The following RIMS2 variants were observed in gnomAD, a reference collection of about 807,000 sequenced individuals.
The protein encoded by RIMS2 is regulating synaptic membrane exocytosis 2.
In RIMS2, 59 loss-of-function variants were observed where a neutral mutation model predicts 174.4. That is an observed-to-expected ratio of 0.34 (90% CI 0.27 to 0.42). The LOEUF is 0.42. Ranked by LOEUF, RIMS2 falls within the 10% of genes least tolerant of loss-of-function variation. RIMS2 has a pLI of 1.00. For synonymous variants in RIMS2, 606 were observed against 572.5 expected (o/e 1.06, Z -0.84); for missense variants, 1,620 against 1,666.3 (o/e 0.97, Z 0.48).
intron 19 of RIMS2, among the ~76,000 whole-genome samples, chr8:104,033,957 T>C (rs1222040256): frequency 1.3e-5 from 2 of 152,188 alleles, no homozygotes; most frequent in Non-Finnish European, 2.9e-5. Flanking sequence ...AGTGCATTTA[T>C]GATATTAATA....
At chr8:104,166,666 C>T (rs912358656) in intron 19 of RIMS2, among the ~76,000 whole-genome samples, 2 of 151,684 alleles carry the variant, frequency 1.3e-5, no homozygotes, top group African/African-American at 4.8e-5. Flanking sequence ...TTCAAGACCT[C>T]AAGCATAGAG....
chr8:104,091,070 G>A (rs905870022), intron 19 of RIMS2, among the ~76,000 whole-genome samples: 1 of 151,616 alleles, frequency 6.6e-6, no homozygotes, highest in Non-Finnish European at 1.5e-5. Flanking sequence ...AGCAAGCCTT[G>A]GAGATAGGCA....
At chr8:103,904,213 G>GT (rs974549670) in intron 4 of RIMS2, among the ~76,000 whole-genome samples, 2 of 151,858 alleles carry the variant, frequency 1.3e-5, no homozygotes, top group African/African-American at 4.8e-5. Flanking sequence ...GACATTTTGA[G>GT]TTTTTTTCCA....
chr8:103,858,511 G>A (rs1421958594), intron 3 of RIMS2, among the ~76,000 whole-genome samples: 1 of 151,762 alleles, frequency 6.6e-6, no homozygotes, highest in Non-Finnish European at 1.5e-5. Context: ...ATCTAATTCA[G>A]AACCTAGTTA....
At chr8:103,606,585 A>T (rs1438429901) in intron 1 of RIMS2, among the ~76,000 whole-genome samples, 2 of 152,020 alleles carry the variant, frequency 1.3e-5, no homozygotes, top group Admixed American at 6.6e-5. Context: ...TGATCTGTCT[A>T]ATATTGACAG....
intron 19 of RIMS2, chr8:104,093,570 AGTGCT>A: frequency 6.3e-7 from 1 of 1,597,588 alleles, no homozygotes; most frequent in Non-Finnish European, 8.5e-7. Context: ...AAGGACTAGT[AGTGCT>A]TCTCGTTTCA....
At chr8:103,962,981 C>G (rs2090649284) in intron 15 of RIMS2, among the ~76,000 whole-genome samples, 1 of 151,638 alleles carries the variant, frequency 6.6e-6, no homozygotes, top group African/African-American at 2.4e-5. Context: ...TTTTTCATAA[C>G]CCATCACTTT....
chr8:103,891,598 T>G (rs2099246050), intron 4 of RIMS2, among the ~76,000 whole-genome samples: 2 of 152,204 alleles, frequency 1.3e-5, no homozygotes, highest in South Asian at 4.1e-4. Flanking sequence ...CTGTGTCTCA[T>G]GGCCTAATCT....
intron 19 of RIMS2, among the ~76,000 whole-genome samples, chr8:104,092,125 G>A (rs35784870): frequency 0.26 from 38,899 of 151,498 alleles, 5,396 homozygotes; most frequent in South Asian, 0.38. Context: ...GAGGTTTTGG[G>A]AGAAAACAAT....
At chr8:103,796,052 A>G (rs947583260) in intron 3 of RIMS2, among the ~76,000 whole-genome samples, 16 of 152,050 alleles carry the variant, frequency 1.1e-4, no homozygotes, top group Non-Finnish European at 7.4e-5. Flanking sequence ...TCTTGATTTT[A>G]TAATATGTAC....
At chr8:103,643,298 C>T (rs117683536) in intron 1 of RIMS2, among the ~76,000 whole-genome samples, 3,547 of 151,944 alleles carry the variant, frequency 0.023, 72 homozygotes, top group Middle Eastern at 0.041. Flanking sequence ...CTCATAGTAC[C>T]GGTGTATTCT....
At chr8:103,986,883 A>C (rs1438078263) in intron 16 of RIMS2, among the ~76,000 whole-genome samples, 1 of 150,376 alleles carries the variant, frequency 6.6e-6, no homozygotes, top group Non-Finnish European at 1.5e-5. Context: ...CAAAAAAAAA[A>C]ACAGTAAAAT....
intron 1 of RIMS2, among the ~76,000 whole-genome samples, chr8:103,537,859 C>T (rs1434782754): frequency 1.3e-5 from 2 of 151,322 alleles, no homozygotes; most frequent in African/African-American, 4.9e-5. Flanking sequence ...TTTTTTTCTG[C>T]CAAATGAGAA....
At chr8:104,247,582 A>T (rs1417025826) in intron 20 of RIMS2, among the ~76,000 whole-genome samples, 2 of 152,224 alleles carry the variant, frequency 1.3e-5, no homozygotes, top group African/African-American at 4.8e-5. Context: ...ACAGAGAGGA[A>T]GGAAGAAAGA....
At chr8:103,532,364 A>G (rs1837582930) in intron 1 of RIMS2, among the ~76,000 whole-genome samples, 1 of 152,230 alleles carries the variant, frequency 6.6e-6, no homozygotes, top group South Asian at 2.1e-4. Context: ...GCAAAATCTG[A>G]TCAACTTTTG....
In RIMS2 at chr8:103,724,518, T is replaced by C. The variant is rs184560492; in HGVS notation, c.387+27222T>C. On this transcript the variant is annotated intron_variant, in intron 2 of 23. Coordinates refer to ENST00000504942, the Ensembl canonical transcript of RIMS2. The stretch of plus-strand genomic sequence containing the variant: ...GTCAAATTTATCAGTCTTTTTAGCA[T>C]TGGATTTTGTTACATATAGTAAAAG... Among the ~76,000 whole-genome samples, 21 of 152,296 alleles carry C rather than the reference T, an allele frequency of 1.4e-4. No individual in the cohort carries two copies. The East Asian group carries it at 3.5e-3, about 25-fold the overall frequency.
chr8:103,988,319 T>C (rs1431103809), intron 16 of RIMS2, among the ~76,000 whole-genome samples: 1 of 152,182 alleles, frequency 6.6e-6, no homozygotes, highest in East Asian at 1.9e-4. Context: ...GTAGGAAAAT[T>C]AGCTCACCAA....
chr8:104,144,014 T>C (rs1403689507), intron 19 of RIMS2, among the ~76,000 whole-genome samples: 1 of 152,184 alleles, frequency 6.6e-6, no homozygotes, highest in Non-Finnish European at 1.5e-5. Context: ...CCCTATAGCA[T>C]ATAAACTTCA....
At chr8:103,726,462 A>C (rs778316478) in intron 2 of RIMS2, among the ~76,000 whole-genome samples, 163 of 152,074 alleles carry the variant, frequency 1.1e-3, no homozygotes, top group Non-Finnish European at 2.0e-3. Flanking sequence ...TCCCTATCTC[A>C]AGGATGCAAG....
Sources: gnomAD v4.1 joint callset for allele counts (sites outside exome capture counted in the v4.1 genomes callset) on GRCh38, gnomAD v4.1.1 for gene constraint, MANE v1.5 for transcripts, NCBI Gene and HGNC (gene_info 2026-07-23, HGNC 2026-07-21) for gene names.